The following LRRC4C variants were observed in gnomAD, a reference collection of about 807,000 sequenced individuals.
The protein encoded by LRRC4C is leucine-rich repeat-containing protein 4C.
In LRRC4C, 5 loss-of-function variants were observed where a neutral mutation model predicts 33.6. That is an observed-to-expected ratio of 0.15 (90% CI 0.08 to 0.31). LRRC4C has a LOEUF of 0.31. Ranked by LOEUF, LRRC4C falls within the 10% of genes least tolerant of loss-of-function variation. The pLI, the probability that LRRC4C is intolerant of heterozygous loss-of-function variation, is 1.00. For synonymous variants in LRRC4C, 329 were observed against 302.0 expected (o/e 1.09, Z -0.93); for missense variants, 560 against 796.7 (o/e 0.70, Z 3.58).
At chr11:40,503,454 C>G (rs1954876708) in intron 3 of LRRC4C, among the ~76,000 whole-genome samples, 1 of 152,132 alleles carries the variant, frequency 6.6e-6, no homozygotes, top group Admixed American at 6.6e-5. Flanking sequence ...ACTGTCTAAC[C>G]AATTTGCTGA....
intron 6 of LRRC4C, among the ~76,000 whole-genome samples, chr11:40,124,315 T>C (rs2134702123): frequency 6.6e-6 from 1 of 152,244 alleles, no homozygotes; most frequent in East Asian, 1.9e-4. Context: ...ATATATTCCC[T>C]AAAAAAGGAA....
rs113603565 is a variant in LRRC4C at position 41,213,314 on chromosome 11, T to G, written c.-496+246117A>C. ...ATATAACAAGTCCTATGATCATATT[T>G]ATTTTGTGTAAAATTATGCGGAGAA... is the stretch of plus-strand genomic sequence containing the variant. On this transcript the variant is annotated intron_variant, in intron 1 of 6. Coordinates refer to ENST00000528697, the MANE Select transcript of LRRC4C (RefSeq NM_001258419.2). Among the ~76,000 whole-genome samples the G allele has an allele frequency of 1.8e-3, 271 of 152,340 alleles. 2 individuals carry two copies. The highest frequency in any genetic ancestry group is 6.3e-3 in the African/African-American group (260 of 41,580).
rs1956229126 is a variant in LRRC4C at position 40,902,005 on chromosome 11, C to CT, written c.-407+31629_-407+31630insA. Among the ~76,000 whole-genome samples the CT allele has an allele frequency of 1.1e-3, 80 of 74,588 alleles. 1 individual carries two copies. The South Asian group carries it at 0.054, about 50-fold the overall frequency. 48.9% of individuals were successfully genotyped at this position (74,588 alleles called of 152,430 possible). A position where few individuals can be genotyped will look rare whatever the true frequency, so the allele number is the denominator to read the frequency against. On this transcript the variant is annotated intron_variant, in intron 2 of 6. Transcript: ENST00000528697. ...ATCTCTCTCTCTCTCTCTCTACACA[C>CT]ACACACACACACACACACACACACA... is the stretch of plus-strand genomic sequence containing the variant.
At position 41,278,490 on chromosome 11, in the gene LRRC4C, A is replaced by T. The variant is rs547574653; in HGVS notation, c.-496+180941T>A. ...ACGTTATGTTGTACACAATAAATAC[A>T]TACAAATTCATGTCAATTTAAATCG... On this transcript the variant is annotated intron_variant, in intron 1 of 6. Transcript: ENST00000528697. Among the ~76,000 whole-genome samples, 23 of 152,366 alleles carry T rather than the reference A, an allele frequency of 1.5e-4. No individual in the cohort carries two copies. In the South Asian group the frequency reaches 4.6e-3, roughly 30 times the overall value.
At chr11:41,173,249 T>C (rs1945053835) in intron 1 of LRRC4C, among the ~76,000 whole-genome samples, 1 of 152,176 alleles carries the variant, frequency 6.6e-6, no homozygotes, top group South Asian at 2.1e-4. Context: ...TGTCTAGGAC[T>C]AACCCGCAGC....
At chr11:40,441,525 G>A (rs1951395532) in intron 3 of LRRC4C, among the ~76,000 whole-genome samples, 1 of 152,106 alleles carries the variant, frequency 6.6e-6, no homozygotes, top group African/African-American at 2.4e-5. Context: ...TCTACCATTT[G>A]CAACTCAAAG....
intron 1 of LRRC4C, among the ~76,000 whole-genome samples, chr11:41,250,183 A>G (rs1478284925): frequency 1.3e-5 from 2 of 152,118 alleles, no homozygotes; most frequent in Non-Finnish European, 2.9e-5. Flanking sequence ...AACAAAACAA[A>G]CAAACAACAA....
chr11:40,401,673 G>A (rs1454083604), intron 3 of LRRC4C, among the ~76,000 whole-genome samples: 3 of 152,128 alleles, frequency 2.0e-5, no homozygotes, highest in Non-Finnish European at 2.9e-5. Context: ...TATTCCACAT[G>A]AGTGTGTGTT....
At chr11:40,432,626 G>C (rs1950979854) in intron 3 of LRRC4C, among the ~76,000 whole-genome samples, 1 of 152,112 alleles carries the variant, frequency 6.6e-6, no homozygotes, top group Admixed American at 6.5e-5. Flanking sequence ...GTATAAAATT[G>C]GTCTTCTCTA....
intron 3 of LRRC4C, among the ~76,000 whole-genome samples, chr11:40,320,904 G>C (rs545502358): frequency 2.0e-5 from 3 of 151,970 alleles, no homozygotes; most frequent in Admixed American, 2.0e-4. Context: ...CTTCTCTCTC[G>C]AGCATGAGTT....
At chr11:40,823,013 T>A (rs2135481497) in intron 2 of LRRC4C, among the ~76,000 whole-genome samples, 1 of 151,932 alleles carries the variant, frequency 6.6e-6, no homozygotes, top group Non-Finnish European at 1.5e-5. Flanking sequence ...GGGTTCTCCA[T>A]TCTGTTCTAT....
chr11:40,290,531 G>T, intron 4 of LRRC4C, among the ~76,000 whole-genome samples: 1 of 152,256 alleles, frequency 6.6e-6, no homozygotes, highest in African/African-American at 2.4e-5. Flanking sequence ...GTAAGAACAG[G>T]CTCAGATGCT....
At chr11:41,448,965 C>T (rs1462213056) in intron 1 of LRRC4C, among the ~76,000 whole-genome samples, 1 of 152,192 alleles carries the variant, frequency 6.6e-6, no homozygotes, top group Non-Finnish European at 1.5e-5. Context: ...AAGATACTTA[C>T]ATCTAATGAC....
chr11:40,502,367 A>C (rs570793266), intron 3 of LRRC4C, among the ~76,000 whole-genome samples: 1 of 152,152 alleles, frequency 6.6e-6, no homozygotes, highest in South Asian at 2.1e-4. Context: ...TACTGTATTC[A>C]TTCATTTTCA....
intron 3 of LRRC4C, among the ~76,000 whole-genome samples, chr11:40,554,088 C>A (rs1591087926): frequency 1.3e-5 from 2 of 152,146 alleles, no homozygotes. Flanking sequence ...ACATTTAAGC[C>A]TTTAATCCAT....
intron 1 of LRRC4C, among the ~76,000 whole-genome samples, chr11:40,952,871 C>T (rs1958766975): frequency 9.4e-6 from 1 of 106,100 alleles, no homozygotes; most frequent in Non-Finnish European, 2.1e-5. Flanking sequence ...CACACACACA[C>T]ACACACACAC....
intron 2 of LRRC4C, among the ~76,000 whole-genome samples, chr11:40,767,435 A>G (rs1949527334): frequency 6.6e-6 from 1 of 152,134 alleles, no homozygotes; most frequent in African/African-American, 2.4e-5. Context: ...AAGCCAATAA[A>G]GAAACCTCAG....
Position 40,505,825 on chromosome 11 carries a change from C to T in LRRC4C, c.-270+142317G>A, listed in dbSNP as rs186482794. On this transcript the variant is annotated intron_variant, in intron 3 of 6. Transcript: ENST00000528697. Reference sequence around the variant, plus strand: ...TCTTCAAAGAAATATCATTTTTGACCTCCCCCCGCTTTCACATTCTGACCC... The same window carrying T: ...TCTTCAAAGAAATATCATTTTTGACTTCCCCCCGCTTTCACATTCTGACCC... Among the ~76,000 whole-genome samples the T allele has an allele frequency of 6.9e-4, 105 of 152,168 alleles. 1 individual carries two copies. Among genetic ancestry groups the T allele is most frequent in the Non-Finnish European group, 1.2e-3 (83 of 67,984 alleles).
chr11:41,006,762 A>C (rs1854783012), intron 1 of LRRC4C, among the ~76,000 whole-genome samples: 1 of 152,160 alleles, frequency 6.6e-6, no homozygotes, highest in Non-Finnish European at 1.5e-5. Context: ...ATTAAATAAC[A>C]CTGGAAATTC....
Sources: gnomAD v4.1 joint callset for allele counts (sites outside exome capture counted in the v4.1 genomes callset) on GRCh38, gnomAD v4.1.1 for gene constraint, MANE v1.5 for transcripts, NCBI Gene and HGNC (gene_info 2026-07-23, HGNC 2026-07-21) for gene names.